Variants in CFAP77 observed in about 807,000 individuals in gnomAD.
CFAP77 encodes the protein cilia- and flagella-associated protein 77.
A neutral mutation model predicts 31.1 loss-of-function variants in CFAP77; 25 were observed. The observed-to-expected ratio is 0.80, with a 90% CI of 0.59 to 1.12. The LOEUF (loss-of-function observed/expected upper bound fraction) is 1.12. Ranked by LOEUF, CFAP77 falls within the 50% of genes most tolerant of loss-of-function variation. CFAP77 has a pLI of 0.00. For synonymous variants in CFAP77, 151 were observed against 159.9 expected (o/e 0.94, Z 0.42); for missense variants, 377 against 397.3 (o/e 0.95, Z 0.44).
chr9:132,545,509 A>G lies in CFAP77; in HGVS notation c.732+2462A>G, dbSNP rs1047808882. ...TCGCCTCCTTTCCGAGGGTATTCGC[A>G]GGATGCTGGGAGTTAAAGCTGCAGG... On this transcript the variant is annotated intron_variant, in intron 5 of 5. Transcript: ENST00000393216. This position sits in a 1 kb window ranked among gnomAD's most constrained non-coding sequence, Gnocchi z 4.6. Among the ~76,000 whole-genome samples the G allele has an allele frequency of 7.2e-5, 11 of 152,222 alleles. No homozygotes were observed. Among genetic ancestry groups the G allele is most frequent in the African/African-American group, 2.4e-4 (10 of 41,474 alleles).
chr9:132,563,519 C>A (rs991852364), intron 5 of CFAP77, among the ~76,000 whole-genome samples: 1 of 152,178 alleles, frequency 6.6e-6, no homozygotes, highest in African/African-American at 2.4e-5. Flanking sequence ...ACCCTTCATC[C>A]GAGCAGGCCC....
At chr9:132,446,466 C>T (rs1482361488) in intron 1 of CFAP77, among the ~76,000 whole-genome samples, 3 of 152,030 alleles carry the variant, frequency 2.0e-5, no homozygotes, top group South Asian at 2.1e-4. Context: ...CAAGGTCGGG[C>T]GTGGTGGCTC....
At chr9:132,412,933 G>T (rs1459384950) in intron 1 of CFAP77, among the ~76,000 whole-genome samples, 1 of 152,114 alleles carries the variant, frequency 6.6e-6, no homozygotes, top group Non-Finnish European at 1.5e-5. Flanking sequence ...GCTCCCCGTA[G>T]TAGTGTGTGC....
At chr9:132,532,434 T>C (rs1852469343) in intron 3 of CFAP77, among the ~76,000 whole-genome samples, 1 of 152,224 alleles carries the variant, frequency 6.6e-6, no homozygotes, top group South Asian at 2.1e-4. Context: ...GAACTTTTAC[T>C]CAGCGCCGGC....
intron 1 of CFAP77, among the ~76,000 whole-genome samples, chr9:132,417,617 A>G (rs1780716231): frequency 6.6e-6 from 1 of 152,186 alleles, no homozygotes. Flanking sequence ...TTTAATCCTC[A>G]GTTTCCCCTA....
At position 132,473,974 on chromosome 9, in the gene CFAP77, C is replaced by T. The variant is rs570628912; in HGVS notation, c.196-24721C>T. ...CTGGGGTTACAGGCGTGAGCCACCG[C>T]GCCTGGGCTGATCTTGGCTTTCTGA... On this transcript the variant is annotated intron_variant, in intron 1 of 5. Coordinates refer to ENST00000393216, the MANE Select transcript of CFAP77 (RefSeq NM_001282957.2). Among the ~76,000 whole-genome samples, 7 of 152,308 alleles carry T rather than the reference C, an allele frequency of 4.6e-5. No individual in the cohort carries two copies. In the East Asian group the frequency reaches 5.8e-4, roughly 13 times the overall value.
Position 132,482,732 on chromosome 9 carries a change from G to T in CFAP77, c.196-15963G>T, listed in dbSNP as rs569392907. Among the ~76,000 whole-genome samples, 49 of 140,636 alleles carry T rather than the reference G, an allele frequency of 3.5e-4. 1 individual carries two copies. The highest frequency in any genetic ancestry group is 1.3e-3 in the African/African-American group (46 of 36,480). The allele number at this position is 140,636 out of a possible 152,430, so 92.3% of individuals were successfully genotyped here. ...AAGGGCTGCCAAGGCAGCCTAGTTG[G>T]ATTCTCATTTTTTTTTTCTTAAGAA... On this transcript the variant is annotated intron_variant, in intron 1 of 5. Coordinates refer to ENST00000393216, the MANE Select transcript of CFAP77 (RefSeq NM_001282957.2).
intron 1 of CFAP77, among the ~76,000 whole-genome samples, chr9:132,486,381 C>T (rs576666044): frequency 3.9e-4 from 60 of 151,982 alleles, no homozygotes; most frequent in South Asian, 3.5e-3. Context: ...CGTGAGCCAC[C>T]GCGCCCGGCC....
chr9:132,482,448 C>G, intron 1 of CFAP77: 1 of 1,577,248 alleles, frequency 6.3e-7, no homozygotes, highest in Non-Finnish European at 8.7e-7. Context: ...AATAATGTCA[C>G]CCTGGAGAAA....
chr9:132,493,945 T>C (rs1290108358), intron 1 of CFAP77, among the ~76,000 whole-genome samples: 1 of 151,856 alleles, frequency 6.6e-6, no homozygotes, highest in African/African-American at 2.4e-5. Context: ...AGGGTTTCGC[T>C]CTGTCACCTG....
At chr9:132,459,960 G>A (rs1308375865) in intron 1 of CFAP77, among the ~76,000 whole-genome samples, 3 of 152,136 alleles carry the variant, frequency 2.0e-5, no homozygotes, top group South Asian at 2.1e-4. Flanking sequence ...CTGAGTGCAT[G>A]AGCGTGTGCG....
rs140616535 is a variant in CFAP77, at chr9:132,531,630, G to A, written c.525-5971G>A. ...TCTGGGCTTAGGCTAAGACATGGGG[G>A]GGGGGGCATGGAAGGCATTTTAAGC... On this transcript the variant is annotated intron_variant, in intron 3 of 5. Coordinates refer to ENST00000393216, the MANE Select transcript of CFAP77 (RefSeq NM_001282957.2). Among the ~76,000 whole-genome samples the A allele has an allele frequency of 4.6e-3, 689 of 149,272 alleles. 45 individuals are homozygous for A. The highest frequency in any genetic ancestry group is 0.016 in the African/African-American group (633 of 40,644).
rs1483966854 is a variant in CFAP77 at position 132,481,475 on chromosome 9, C to A, written c.196-17220C>A. Among the ~76,000 whole-genome samples, 2 of 152,256 alleles carry A rather than the reference C, an allele frequency of 1.3e-5. No homozygotes were observed. Among genetic ancestry groups the A allele is most frequent in the East Asian group, 3.8e-4 (2 of 5,196 alleles). ...CCCTCCCCAGCAAGATTTCATCCAT[C>A]TTTGTGTGCTCAAGGTACCGAGCAC... On this transcript the variant is annotated intron_variant, in intron 1 of 5. Coordinates refer to ENST00000393216, the MANE Select transcript of CFAP77 (RefSeq NM_001282957.2). The surrounding 1 kb of genome is among the most constrained non-coding windows in gnomAD (Gnocchi z 5.0).
At chr9:132,459,458 T>G (rs563883654) in intron 1 of CFAP77, among the ~76,000 whole-genome samples, 1 of 151,344 alleles carries the variant, frequency 6.6e-6, no homozygotes, top group Non-Finnish European at 1.5e-5. Context: ...TGTGTGTATG[T>G]GTGAGTGTAT....
chr9:132,457,575 A>T (rs1850942056), intron 1 of CFAP77, among the ~76,000 whole-genome samples: 1 of 152,240 alleles, frequency 6.6e-6, no homozygotes, highest in Non-Finnish European at 1.5e-5. Context: ...GGAGAAATAC[A>T]TCGCCGCTAA....
At chr9:132,559,089 G>A (rs1336622802) in intron 5 of CFAP77, among the ~76,000 whole-genome samples, 4 of 152,024 alleles carry the variant, frequency 2.6e-5, no homozygotes, top group Admixed American at 2.6e-4. Flanking sequence ...GCTCACGCCT[G>A]TAATCAGCAC....
intron 1 of CFAP77, among the ~76,000 whole-genome samples, chr9:132,486,016 A>ATATATATATATGTATGTATG (rs1554742544): frequency 1.8e-4 from 3 of 16,346 alleles, no homozygotes; most frequent in Non-Finnish European, 2.9e-4. Flanking sequence ...ATATATATAT[A>ATATATATATATGTATGTATG]TATATATATA....
At chr9:132,438,541 A>ATATATATATATATATATATATATTT in intron 1 of CFAP77, among the ~76,000 whole-genome samples, 193 of 107,974 alleles carry the variant, frequency 1.8e-3, no homozygotes, top group Non-Finnish European at 2.9e-3. Flanking sequence ...ATATATATAT[A>ATATATATATATATATATATATATTT]TTTTTTTTTT....
At chr9:132,456,866 T>C (rs1850924858) in intron 1 of CFAP77, among the ~76,000 whole-genome samples, 1 of 152,016 alleles carries the variant, frequency 6.6e-6, no homozygotes, top group African/African-American at 2.4e-5. Context: ...TTCTCATGCC[T>C]CAGCCTCCTG....
Sources: allele counts gnomAD v4.1 joint callset (sites outside exome capture counted in the v4.1 genomes callset), GRCh38; gene constraint gnomAD v4.1.1; non-coding constraint Gnocchi (gnomAD v3.1); transcripts MANE v1.5; gene names NCBI Gene and HGNC (gene_info 2026-07-23, HGNC 2026-07-21).